The following AGL variants were observed in gnomAD, a reference collection of about 807,000 sequenced individuals.
The protein encoded by AGL is amylo-alpha-1,6-glucosidase and 4-alpha-glucanotransferase.
AGL carries 128 observed loss-of-function variants against 199.3 expected under a neutral mutation model. The observed-to-expected ratio is 0.64, with a 90% CI of 0.56 to 0.74. The LOEUF (loss-of-function observed/expected upper bound fraction) is 0.74, where lower values mean the gene tolerates loss of function less well. Among genes scored for constraint, AGL ranks in the 30% least tolerant of loss-of-function variants. AGL has a pLI of 0.00. For missense variants in AGL, 1,809 were observed against 1,820.8 expected (o/e 0.99, Z 0.12); for synonymous variants, 584 against 594.7 (o/e 0.98, Z 0.26).
chr1:99,854,911 G>C (rs1342992166), intron 2 of AGL, among the ~76,000 whole-genome samples: 2 of 151,150 alleles, frequency 1.3e-5, no homozygotes, highest in Non-Finnish European at 3.0e-5. Flanking sequence ...TTGAAAAAGA[G>C]AGGACAAGGC....
intron 13 of AGL, 131 bp downstream of exon 13, chr1:99,880,177 T>C: frequency 7.4e-7 from 1 of 1,351,974 alleles, no homozygotes; most frequent in African/African-American, 1.4e-5. Context: ...ATACTTTGTA[T>C]GACATATTCT....
At chr1:99,892,723 C>T in intron 24 of AGL, 116 bp downstream of exon 24, 1 of 983,518 alleles carries the variant, frequency 1.0e-6, no homozygotes, top group Non-Finnish European at 1.5e-6. Context: ...TTTTATTTTA[C>T]CACTTAGTAC....
Position 99,900,783 on chromosome 1 carries a change from T to A in AGL, c.3510T>A (p.Asn1170Lys). The stretch of plus-strand genomic sequence containing the variant: ...AGGATTACTGTAAAATGGTTCCAAA[T>A]GGTCTAGACATTCTCAAGTGCCCAG... ...CIQDYCKMVP[N>K]GLDILKCPVS... Residue 1170 changes from asparagine (N) to lysine (K), a missense_variant, in exon 26 of 34, where the codon AAT (asparagine) becomes AAA (lysine). Physicochemically the swap from Asn to Lys is moderately conservative, Grantham distance 94. Transcript: ENST00000361915. The A allele has an allele frequency of 6.2e-7, 1 of 1,614,100 alleles. No individual in the cohort carries two copies. Among genetic ancestry groups the A allele is most frequent in the Non-Finnish European group, 8.5e-7 (1 of 1,179,996 alleles).
At chr1:99,897,005 CG>C (rs1228054952) in intron 25 of AGL, among the ~76,000 whole-genome samples, 3 of 152,078 alleles carry the variant, frequency 2.0e-5, no homozygotes, top group Non-Finnish European at 4.4e-5. Flanking sequence ...CTAGTAGAGA[CG>C]GGGTTTCACC....
At chr1:99,871,410 GCCCC>G (rs5776495) in intron 7 of AGL, among the ~76,000 whole-genome samples, 6,273 of 141,942 alleles carry the variant, frequency 0.044, 472 homozygotes, top group African/African-American at 0.15. Flanking sequence ...CAGTTAATGT[GCCCC>G]CCCCCCCCCA....
chr1:99,874,658 T>C (rs1651342726), intron 7 of AGL, 29 bp from the exon 8 acceptor site: 5 of 1,596,250 alleles, frequency 3.1e-6, no homozygotes, highest in Non-Finnish European at 4.3e-6. Context: ...GATATTTGCA[T>C]TTAAGGTATC....
At chr1:99,907,607 A>G (rs563653952) in intron 27 of AGL, among the ~76,000 whole-genome samples, 23 of 150,396 alleles carry the variant, frequency 1.5e-4, no homozygotes, top group African/African-American at 5.1e-4. Flanking sequence ...TATCCTCACC[A>G]ATACTTGTTT....
At position 99,916,740 on chromosome 1, in the gene AGL, T is replaced by C. The variant is rs1341502946; in HGVS notation, c.4481+9T>C. The stretch of plus-strand genomic sequence containing the variant: ...TATGTTCATCTTGAGAGGTAAGTCA[T>C]CAGGAGCATGTAATTTCCATAACTA... On this transcript the variant is annotated intron_variant, in intron 33 of 33. Transcript: ENST00000361915. The C allele has an allele frequency of 1.2e-6, 2 of 1,612,254 alleles. No individual in the cohort carries two copies. Among genetic ancestry groups the C allele is most frequent in the African/African-American group, 2.7e-5 (2 of 74,862 alleles).
In AGL at chr1:99,916,750, G is replaced by A; in HGVS notation, c.4481+19G>A. ...TTGAGAGGTAAGTCATCAGGAGCAT[G>A]TAATTTCCATAACTAGTGTTTAGTC... On this transcript the variant is annotated intron_variant, in intron 33 of 33. Transcript: ENST00000361915. 2 of 1,610,922 alleles carry A rather than the reference G, an allele frequency of 1.2e-6. No homozygotes were observed. Among genetic ancestry groups the A allele is most frequent in the Non-Finnish European group, 1.7e-6 (2 of 1,177,440 alleles).
At chr1:99,849,735 C>T (rs1648772701), upstream of AGL, among the ~76,000 whole-genome samples, 1 of 152,198 alleles carries the variant, frequency 6.6e-6, no homozygotes, top group Non-Finnish European at 1.5e-5. Flanking sequence ...AGAACTTAGG[C>T]CAAGTAAAAA....
At chr1:99,884,727 G>A in intron 20 of AGL, 24 bp downstream of exon 20, 1 of 1,613,240 alleles carries the variant, frequency 6.2e-7, no homozygotes, top group Non-Finnish European at 8.5e-7. Context: ...GTTTGGTAGA[G>A]ATTTGCCACC....
At chr1:99,880,094 A>G (rs1003856183) in intron 13 of AGL, 48 bp downstream of exon 13, 26 of 1,610,454 alleles carry the variant, frequency 1.6e-5, no homozygotes, top group Non-Finnish European at 2.0e-5. Context: ...GCTTTTGTTT[A>G]AGTAGATTAA....
At chr1:99,894,313 G>C (rs1037557892) in intron 24 of AGL, among the ~76,000 whole-genome samples, 1 of 152,120 alleles carries the variant, frequency 6.6e-6, no homozygotes, top group Non-Finnish European at 1.5e-5. Flanking sequence ...TCCATACATA[G>C]TGCTAGAGAT....
chr1:99,915,166 C>T (rs1361157160), intron 30 of AGL, among the ~76,000 whole-genome samples: 1 of 152,152 alleles, frequency 6.6e-6, no homozygotes, highest in African/African-American at 2.4e-5. Flanking sequence ...TGAGGTGACA[C>T]AGAGAAATAA....
chr1:99,912,928 A>G (rs537113957), intron 29 of AGL, among the ~76,000 whole-genome samples: 3 of 152,234 alleles, frequency 2.0e-5, no homozygotes, highest in Non-Finnish European at 4.4e-5. Flanking sequence ...ATTACAAGAT[A>G]TTTTATTAAA....
At position 99,877,794 on chromosome 1, in the gene AGL, A is replaced by G. The variant is rs777393482; in HGVS notation, c.1577A>G (p.Asp526Gly). 20 of 1,613,980 alleles carry G rather than the reference A, an allele frequency of 1.2e-5. No homozygotes were observed. The highest frequency in any genetic ancestry group is 1.6e-5 in the Non-Finnish European group (19 of 1,179,986). Residue 526 changes from aspartate (D) to glycine (G), a missense_variant, in exon 12 of 34, where the codon GAT (aspartate) becomes GGT (glycine). By Grantham distance (94) the Asp-to-Gly change is moderately conservative. Transcript: ENST00000361915. ...ACTTATTTCCAGGGAGTACGTCTTG[A>G]TAACTGCCACTCAACACCTCTTCAC... ...TATYFQGVRL[D>G]NCHSTPLHVA...
intron 21 of AGL, among the ~76,000 whole-genome samples, chr1:99,889,526 A>G (rs1033424543): frequency 2.6e-4 from 40 of 152,274 alleles, no homozygotes; most frequent in African/African-American, 8.9e-4. Flanking sequence ...GCTGCAGTGA[A>G]CTATGATCAT....
At chr1:99,918,958 C>T (rs1053784381) in intron 33 of AGL, among the ~76,000 whole-genome samples, 1 of 152,126 alleles carries the variant, frequency 6.6e-6, no homozygotes, top group Non-Finnish European at 1.5e-5. Flanking sequence ...TTCTTCTCAT[C>T]CTTTTGGATG....
At chr1:99,904,327 T>G (rs894842806) in intron 27 of AGL, among the ~76,000 whole-genome samples, 1 of 152,178 alleles carries the variant, frequency 6.6e-6, no homozygotes, top group Non-Finnish European at 1.5e-5. Flanking sequence ...TCATGTGGGT[T>G]TTTTAAACTT....
Sources: gnomAD v4.1 joint callset for allele counts (sites outside exome capture counted in the v4.1 genomes callset) on GRCh38, gnomAD v4.1.1 for gene constraint, MANE v1.5 for transcripts, NCBI Gene and HGNC (gene_info 2026-07-23, HGNC 2026-07-21) for gene names.